Variants in FMN2 observed in about 807,000 individuals in gnomAD.
The protein encoded by FMN2 is formin-2.
A neutral mutation model predicts 142.3 loss-of-function variants in FMN2; 51 were observed. The observed-to-expected ratio is 0.36, with a 90% CI of 0.29 to 0.45. The LOEUF is 0.45. Among genes scored for constraint, FMN2 ranks in the 20% least tolerant of loss-of-function variants. The probability of loss-of-function intolerance (pLI) is 1.00; values close to 1 mark genes in which losing one functional copy is unlikely to be tolerated. For missense variants in FMN2, 1,936 were observed against 2,122.8 expected (o/e 0.91, Z 1.73); for synonymous variants, 882 against 869.8 (o/e 1.01, Z -0.25).
chr1:240,373,628 C>T (rs535560876), intron 14 of FMN2, among the ~76,000 whole-genome samples: 146 of 152,294 alleles, frequency 9.6e-4, no homozygotes, highest in African/African-American at 3.5e-3. Flanking sequence ...CAAATTTCAT[C>T]ATGAGCGATT....
At chr1:240,276,233 C>T (rs758665265) in intron 7 of FMN2, among the ~76,000 whole-genome samples, 8 of 152,278 alleles carry the variant, frequency 5.3e-5, no homozygotes, top group Non-Finnish European at 8.8e-5. Context: ...CTGCAATGTT[C>T]AGCTGTTCAG....
chr1:240,220,510 C>T (rs1322626792), intron 6 of FMN2, among the ~76,000 whole-genome samples: 5 of 152,132 alleles, frequency 3.3e-5, no homozygotes, highest in Admixed American at 6.5e-5. Context: ...TCACCATCAT[C>T]GATGGAAGTA....
chr1:240,214,642 T>A (rs1366969189), intron 6 of FMN2, among the ~76,000 whole-genome samples: 1 of 152,180 alleles, frequency 6.6e-6, no homozygotes, highest in Non-Finnish European at 1.5e-5. Flanking sequence ...TTGCCCAATT[T>A]TAAGGAAGGC....
At chr1:240,168,139 C>G (rs1170936480) in intron 2 of FMN2, among the ~76,000 whole-genome samples, 2 of 152,156 alleles carry the variant, frequency 1.3e-5, no homozygotes, top group Non-Finnish European at 2.9e-5. Context: ...CTTCCCCTCT[C>G]AAAACAATTC....
At chr1:240,367,661 G>A (rs1572237258) in intron 14 of FMN2, among the ~76,000 whole-genome samples, 1 of 151,064 alleles carries the variant, frequency 6.6e-6, no homozygotes, top group East Asian at 2.0e-4. Context: ...CCAGCTACTC[G>A]GGAGGCTGAG....
chr1:240,282,357 A>G (rs1489837446), intron 7 of FMN2, among the ~76,000 whole-genome samples: 1 of 152,210 alleles, frequency 6.6e-6, no homozygotes, highest in Admixed American at 6.5e-5. Context: ...TTGAGTTATT[A>G]TATTGGTGAG....
chr1:240,406,021 C>CGAAGG (rs1674147880), intron 15 of FMN2, among the ~76,000 whole-genome samples: 1 of 141,488 alleles, frequency 7.1e-6, no homozygotes, highest in Non-Finnish European at 1.5e-5. Context: ...GTGGGGGAAG[C>CGAAGG]GAAGGGAAGC....
chr1:240,104,042 A>G (rs1169455978), intron 1 of FMN2, among the ~76,000 whole-genome samples: 1 of 151,238 alleles, frequency 6.6e-6, no homozygotes, highest in Non-Finnish European at 1.5e-5. Context: ...TCGCCTGGCT[A>G]ATCTTTTTTG....
chr1:240,427,171 T>TTA (rs34534422), intron 15 of FMN2, among the ~76,000 whole-genome samples: 5,411 of 136,832 alleles, frequency 0.04, 118 homozygotes, highest in Non-Finnish European at 0.052. Flanking sequence ...ACAACTGATT[T>TTA]TATATATATA....
intron 15 of FMN2, among the ~76,000 whole-genome samples, chr1:240,395,313 A>G (rs1673738123): frequency 6.6e-6 from 1 of 152,206 alleles, no homozygotes; most frequent in Non-Finnish European, 1.5e-5. Flanking sequence ...ATGTACAAAG[A>G]GAATCACGTT....
At chr1:240,228,323 A>AAAG in intron 6 of FMN2, among the ~76,000 whole-genome samples, 1 of 93,026 alleles carries the variant, frequency 1.1e-5, no homozygotes, top group South Asian at 3.5e-4. Context: ...AAAAAAAAAA[A>AAAG]AAAAAAAAAG....
intron 2 of FMN2, among the ~76,000 whole-genome samples, chr1:240,151,286 A>C (rs10926145): frequency 1.3e-5 from 2 of 152,114 alleles, no homozygotes; most frequent in African/African-American, 2.4e-5. Context: ...AAGCACCAAC[A>C]AGTCACCCTA....
At chr1:240,392,998 C>T (rs1558468512) in intron 15 of FMN2, among the ~76,000 whole-genome samples, 1 of 152,070 alleles carries the variant, frequency 6.6e-6, no homozygotes, top group African/African-American at 2.4e-5. Context: ...TAGAAAATAT[C>T]TCAGAAATCT....
intron 6 of FMN2, among the ~76,000 whole-genome samples, chr1:240,241,938 C>A (rs553965983): frequency 6.6e-6 from 1 of 151,002 alleles, no homozygotes; most frequent in South Asian, 2.1e-4. Flanking sequence ...CTCCGCCTCC[C>A]GGGTTCACGC....
intron 1 of FMN2, among the ~76,000 whole-genome samples, chr1:240,104,105 C>T (rs1453863519): frequency 1.3e-5 from 2 of 151,386 alleles, no homozygotes; most frequent in East Asian, 3.9e-4. Context: ...GTCTCGATCT[C>T]CTGACCTCGT....
intron 13 of FMN2, among the ~76,000 whole-genome samples, chr1:240,340,474 G>A (rs1313669454): frequency 2.6e-5 from 4 of 151,970 alleles, no homozygotes; most frequent in East Asian, 1.9e-4. Flanking sequence ...CCAGCTACTC[G>A]GGAGGCTGAG....
chr1:240,179,054 A>G (rs1665044183), intron 3 of FMN2, among the ~76,000 whole-genome samples: 2 of 152,192 alleles, frequency 1.3e-5, no homozygotes, highest in Non-Finnish European at 2.9e-5. Flanking sequence ...CAAATTTCCT[A>G]ACAACTGTAT....
chr1:240,359,998 T>C (rs1173904424), intron 14 of FMN2, among the ~76,000 whole-genome samples: 1 of 152,200 alleles, frequency 6.6e-6, no homozygotes, highest in East Asian at 1.9e-4. Context: ...TAAGCTCATC[T>C]CTTTGCTTTC....
At chr1:240,397,488 C>T (rs574125036) in intron 15 of FMN2, among the ~76,000 whole-genome samples, 2 of 152,090 alleles carry the variant, frequency 1.3e-5, no homozygotes, top group South Asian at 4.2e-4. Flanking sequence ...GTGTTAACCA[C>T]ACCTAGGCCA....
Sources: gnomAD v4.1 joint callset for allele counts (sites outside exome capture counted in the v4.1 genomes callset) on GRCh38, gnomAD v4.1.1 for gene constraint, MANE v1.5 for transcripts, NCBI Gene and HGNC (gene_info 2026-07-23, HGNC 2026-07-21) for gene names.